ACOT1: variants seen among roughly 807,000 people sequenced by gnomAD.
ACOT1 encodes acyl-coenzyme A thioesterase 1.
Under a neutral mutation model 15.7 loss-of-function variants are expected in ACOT1, and 8 were observed. The observed-to-expected ratio is 0.51, with a 90% CI of 0.30 to 0.92. The LOEUF (loss-of-function observed/expected upper bound fraction) is 0.92, where lower values mean the gene tolerates loss of function less well. Among genes scored for constraint, ACOT1 ranks in the 40% least tolerant of loss-of-function variants. ACOT1 has a pLI of 0.06. For missense variants in ACOT1, 151 were observed against 539.4 expected, an observed-to-expected ratio of 0.28 and a Z score of 7.13; for synonymous variants, 67 against 241.2, an observed-to-expected ratio of 0.28 and a Z score of 6.69.
chr14:73,491,792 G>C, the ACOT1 span: 4 of 1,588,596 alleles, frequency 2.5e-6, no homozygotes, highest in South Asian at 4.5e-5. Context: ...GGTGCAGTTC[G>C]GCCAGCATTT....
intron 1 of ACOT1, chr14:73,539,661 G>A (rs528386102): frequency 1.7e-5 from 2 of 117,092 alleles, no homozygotes; most frequent in Non-Finnish European, 3.7e-5. Context: ...AGGAAGCTGC[G>A]GTGCTGCTGC....
chr14:73,492,054 C>A, the ACOT1 span: 1 of 1,614,014 alleles, frequency 6.2e-7, no homozygotes, highest in Non-Finnish European at 8.5e-7. The surrounding 1 kb of genome is among the most constrained non-coding windows in gnomAD (Gnocchi z 4.9). Flanking sequence ...GACATCGAGG[C>A]CTTCGTGCTG....
intron 1 of ACOT1, 103 bp downstream of exon 1, chr14:73,537,981 T>C: frequency 1.0e-6 from 1 of 967,690 alleles, no homozygotes; most frequent in Non-Finnish European, 1.3e-6. Context: ...CTCTTTTCGC[T>C]TGTGTGTGTG....
upstream of ACOT1, among the ~76,000 whole-genome samples, chr14:73,532,737 A>G (rs537891439): frequency 2.3e-4 from 26 of 114,436 alleles, 8 homozygotes; most frequent in East Asian, 1.4e-3. Flanking sequence ...GGCAGATCAC[A>G]AGGTCAGGAG....
chr14:73,519,140 T>C, the ACOT1 span: 2 of 1,613,372 alleles, frequency 1.2e-6, no homozygotes, highest in Non-Finnish European at 1.7e-6. Flanking sequence ...TTTGCACCAA[T>C]CTGGTGGATG....
chr14:73,491,233 C>G, the ACOT1 span: 1 of 1,590,052 alleles, frequency 6.3e-7, no homozygotes, highest in African/African-American at 1.4e-5. Context: ...AGTCGACGGC[C>G]GACGACCTGG....
the ACOT1 span, chr14:73,527,484 G>C: frequency 6.6e-6 from 1 of 151,340 alleles, no homozygotes; most frequent in Non-Finnish European, 1.5e-5. Flanking sequence ...CAGAAAGGCT[G>C]CTCTGCCTAT....
At chr14:73,521,091 C>A in the ACOT1 span, 5 of 1,488,506 alleles carry the variant, frequency 3.4e-6, no homozygotes, top group Non-Finnish European at 3.7e-6. Context: ...GGAGGTGGAT[C>A]CCCCTTTCCA....
the ACOT1 span, among the ~76,000 whole-genome samples, chr14:73,526,047 A>C: frequency 1.3e-5 from 2 of 152,044 alleles, no homozygotes; most frequent in Non-Finnish European, 2.9e-5. Context: ...GAGGCACTGA[A>C]GAGGGTGGGA....
upstream of ACOT1, among the ~76,000 whole-genome samples, chr14:73,535,469 C>CTTTTTTTTTTTTTTTTTTTTTTTT (rs869167008): frequency 2.1e-3 from 34 of 16,530 alleles, 3 homozygotes; most frequent in Non-Finnish European, 6.9e-3. Flanking sequence ...TTTCTTCTTT[C>CTTTTTTTTTTTTTTTTTTTTTTTT]TTTTTTTTTT....
chr14:73,523,214 A>G, the ACOT1 span: 1 of 1,466,030 alleles, frequency 6.8e-7, no homozygotes, highest in African/African-American at 1.4e-5. Flanking sequence ...CCTGGAGATG[A>G]GACCTGGCAC....
the ACOT1 span, chr14:73,500,761 T>C: frequency 1.2e-6 from 2 of 1,600,826 alleles, no homozygotes; most frequent in Non-Finnish European, 1.7e-6. Context: ...TCCTTTCACC[T>C]CCTTAAACTT....
At chr14:73,493,614 G>T in the ACOT1 span, among the ~76,000 whole-genome samples, 1 of 152,142 alleles carries the variant, frequency 6.6e-6, no homozygotes, top group Non-Finnish European at 1.5e-5. Flanking sequence ...GAGGCGGGTG[G>T]ATCACCTGAG....
the ACOT1 span, chr14:73,492,407 G>A: frequency 7.4e-6 from 12 of 1,613,692 alleles, no homozygotes; most frequent in African/African-American, 1.3e-5. The surrounding 1 kb of genome is among the most constrained non-coding windows in gnomAD (Gnocchi z 4.9). Flanking sequence ...TTACATGGGG[G>A]CCCAGCATTC....
At chr14:73,523,279 G>C in the ACOT1 span, 2 of 858,416 alleles carry the variant, frequency 2.3e-6, no homozygotes, top group South Asian at 3.8e-5. Flanking sequence ...GAAATTGGTA[G>C]CCCATAGCAG....
intron 1 of ACOT1, among the ~76,000 whole-genome samples, chr14:73,538,118 G>T (rs1471882634): frequency 1.8e-5 from 2 of 113,946 alleles, no homozygotes; most frequent in African/African-American, 5.7e-5. Context: ...GAGCCACTGC[G>T]CCCGGCCCTT....
the ACOT1 span, among the ~76,000 whole-genome samples, chr14:73,527,749 A>T: frequency 6.6e-6 from 1 of 151,478 alleles, no homozygotes; most frequent in South Asian, 2.1e-4. Flanking sequence ...AGGCCAAGGC[A>T]GGTGGATCAC....
chr14:73,513,075 A>G, the ACOT1 span, among the ~76,000 whole-genome samples: 1 of 152,238 alleles, frequency 6.6e-6, no homozygotes, highest in Admixed American at 6.5e-5. Flanking sequence ...TGCTGATACC[A>G]TAGTCAACTA....
At chr14:73,524,165 G>A in the ACOT1 span, among the ~76,000 whole-genome samples, 1 of 151,282 alleles carries the variant, frequency 6.6e-6, no homozygotes, top group East Asian at 1.9e-4. Flanking sequence ...GGTGGCATGT[G>A]CCTGTAATCC....
Sources: allele counts gnomAD v4.1 joint callset (sites outside exome capture counted in the v4.1 genomes callset), GRCh38; gene constraint gnomAD v4.1.1; non-coding constraint Gnocchi (gnomAD v3.1); transcripts MANE v1.5; gene names NCBI Gene and HGNC (gene_info 2026-07-23, HGNC 2026-07-21).